CHRM3: variants seen among roughly 807,000 people sequenced by gnomAD.
The protein encoded by CHRM3 is muscarinic acetylcholine receptor M3.
Under a neutral mutation model 41.8 loss-of-function variants are expected in CHRM3, and 11 were observed. The ratio of observed to expected loss-of-function variants is 0.26; its 90% CI spans 0.17 to 0.44. The LOEUF (loss-of-function observed/expected upper bound fraction) is 0.44, where lower values mean the gene tolerates loss of function less well. CHRM3 is among the 20% of genes least tolerant of loss of function. CHRM3 has a pLI of 1.00. For missense variants in CHRM3, 571 were observed against 745.4 expected (o/e 0.77, Z 2.72); for synonymous variants, 297 against 301.4 (o/e 0.99, Z 0.15).
chr1:239,899,276 A>AGTGTGT (rs71168861), intron 6 of CHRM3, among the ~76,000 whole-genome samples: 12,920 of 134,284 alleles, frequency 0.096, 657 homozygotes, highest in African/African-American at 0.15. Flanking sequence ...TTTTGAACTC[A>AGTGTGT]GTGTGTGTGT....
chr1:239,447,610 C>T (rs1664244961), intron 1 of CHRM3, among the ~76,000 whole-genome samples: 1 of 152,058 alleles, frequency 6.6e-6, no homozygotes, highest in South Asian at 2.1e-4. Flanking sequence ...CCCATCTCTA[C>T]TAAAAATACA....
chr1:239,503,545 A>C (rs1370204719), intron 2 of CHRM3, among the ~76,000 whole-genome samples: 1 of 152,148 alleles, frequency 6.6e-6, no homozygotes, highest in Non-Finnish European at 1.5e-5. Flanking sequence ...TCTTCACAGA[A>C]TTAGAAAAAA....
intron 3 of CHRM3, chr1:239,545,967 T>C (rs1659248700): frequency 6.6e-6 from 1 of 152,132 alleles, no homozygotes; most frequent in Non-Finnish European, 1.5e-5. Context: ...GTGGTAATTA[T>C]GTATACCTAT....
At chr1:239,782,329 A>C (rs1668568922) in intron 5 of CHRM3, among the ~76,000 whole-genome samples, 1 of 152,040 alleles carries the variant, frequency 6.6e-6, no homozygotes, top group African/African-American at 2.4e-5. Flanking sequence ...TTCTTGTCTA[A>C]GTTTTTGGCA....
At chr1:239,605,106 T>C (rs972883968) in intron 3 of CHRM3, among the ~76,000 whole-genome samples, 12 of 152,178 alleles carry the variant, frequency 7.9e-5, no homozygotes, top group Non-Finnish European at 1.6e-4. Context: ...ATTACATATT[T>C]CATGAAGTCA....
At chr1:239,897,023 CA>C (rs1226351448) in intron 6 of CHRM3, among the ~76,000 whole-genome samples, 7 of 152,190 alleles carry the variant, frequency 4.6e-5, no homozygotes, top group African/African-American at 1.7e-4. Flanking sequence ...GATTCTATTT[CA>C]TCCTCAAGTA....
intron 4 of CHRM3, 85 bp downstream of exon 4, chr1:239,632,371 G>A (rs1024675520): frequency 2.6e-5 from 4 of 152,180 alleles, no homozygotes; most frequent in Non-Finnish European, 4.4e-5. Context: ...CAAGGAATAA[G>A]AATGTATAAG....
intron 5 of CHRM3, among the ~76,000 whole-genome samples, chr1:239,714,439 C>A (rs1372112458): frequency 6.6e-6 from 1 of 152,078 alleles, no homozygotes; most frequent in Non-Finnish European, 1.5e-5. Context: ...CTTGGAAGGT[C>A]CAGTTAAGCT....
At chr1:239,649,773 A>C (rs1672073978) in intron 4 of CHRM3, among the ~76,000 whole-genome samples, 1 of 152,202 alleles carries the variant, frequency 6.6e-6, no homozygotes, top group African/African-American at 2.4e-5. Flanking sequence ...GGGTAGGTGC[A>C]GGGACAGAGG....
chr1:239,601,764 T>A (rs1665569110), intron 3 of CHRM3, among the ~76,000 whole-genome samples: 2 of 152,192 alleles, frequency 1.3e-5, no homozygotes, highest in South Asian at 4.1e-4. Context: ...CTCTTATAGT[T>A]GTTATTTAGA....
chr1:239,749,385 A>G (rs1223154898), intron 5 of CHRM3, among the ~76,000 whole-genome samples: 1 of 152,070 alleles, frequency 6.6e-6, no homozygotes, highest in Non-Finnish European at 1.5e-5. Flanking sequence ...CTTGGAGGGT[A>G]GGTTGGGCAC....
At chr1:239,620,266 C>T (rs891713199) in intron 3 of CHRM3, among the ~76,000 whole-genome samples, 8 of 152,122 alleles carry the variant, frequency 5.3e-5, no homozygotes, top group Admixed American at 5.2e-4. Flanking sequence ...TCTCAAAATA[C>T]ATTTTTCAAG....
chr1:239,400,105 C>T (rs890636589), intron 1 of CHRM3, among the ~76,000 whole-genome samples: 7 of 152,110 alleles, frequency 4.6e-5, no homozygotes, highest in Admixed American at 1.3e-4. Context: ...GATAGGGTTT[C>T]GCCATGTTGG....
intron 5 of CHRM3, among the ~76,000 whole-genome samples, chr1:239,780,905 A>G (rs1203872077): frequency 6.6e-6 from 1 of 152,000 alleles, no homozygotes; most frequent in African/African-American, 2.4e-5. Flanking sequence ...CCTTTGCACC[A>G]TTGTGAAAGA....
chr1:239,449,753 T>TGTGTGTGTGTGC (rs58076099), intron 1 of CHRM3, among the ~76,000 whole-genome samples: 14 of 151,694 alleles, frequency 9.2e-5, no homozygotes, highest in South Asian at 6.3e-4. Flanking sequence ...TGTGTGTGTG[T>TGTGTGTGTGTGC]GCGTGTGTGT....
intron 5 of CHRM3, among the ~76,000 whole-genome samples, chr1:239,750,349 T>C (rs1665708313): frequency 6.6e-6 from 1 of 152,238 alleles, no homozygotes; most frequent in Non-Finnish European, 1.5e-5. Context: ...GAATGAATGC[T>C]CTAGGCTGTC....
chr1:239,679,050 T>TAGAC (rs1360102558), intron 5 of CHRM3, among the ~76,000 whole-genome samples: 1 of 151,906 alleles, frequency 6.6e-6, no homozygotes, highest in Non-Finnish European at 1.5e-5. Flanking sequence ...GATAGATAGA[T>TAGAC]AGATAGATAT....
At chr1:239,647,420 T>C (rs1671835102) in intron 4 of CHRM3, among the ~76,000 whole-genome samples, 1 of 152,208 alleles carries the variant, frequency 6.6e-6, no homozygotes, top group Non-Finnish European at 1.5e-5. Flanking sequence ...TTCTTGAATC[T>C]CCTCTTTCAT....
At chr1:239,889,831 A>G (rs1280852996) in intron 6 of CHRM3, among the ~76,000 whole-genome samples, 2 of 152,196 alleles carry the variant, frequency 1.3e-5, no homozygotes, top group Admixed American at 1.3e-4. Context: ...TGAGAGAGAA[A>G]GATAATGCTT....
Sources: gnomAD v4.1 joint callset for allele counts (sites outside exome capture counted in the v4.1 genomes callset) on GRCh38, gnomAD v4.1.1 for gene constraint, MANE v1.5 for transcripts, NCBI Gene and HGNC (gene_info 2026-07-23, HGNC 2026-07-21) for gene names.